ARNT2: variants seen among roughly 807,000 people sequenced by gnomAD.
The protein encoded by ARNT2 is aryl hydrocarbon receptor nuclear translocator 2, also known as ARNT protein 2.
A neutral mutation model predicts 91.7 loss-of-function variants in ARNT2; 36 were observed. The observed-to-expected ratio is 0.39, with a 90% CI of 0.30 to 0.52. The LOEUF is 0.52. Ranked by LOEUF, ARNT2 falls within the 20% of genes least tolerant of loss-of-function variation. The pLI, the probability that ARNT2 is intolerant of heterozygous loss-of-function variation, is 0.72. For synonymous variants in ARNT2, 365 were observed against 347.1 expected, an observed-to-expected ratio of 1.05 and a Z score of -0.57; for missense variants, 775 against 939.3, an observed-to-expected ratio of 0.83 and a Z score of 2.29.
chr15:80,536,264 G>A (rs1261657490), intron 8 of ARNT2, among the ~76,000 whole-genome samples: 1 of 152,214 alleles, frequency 6.6e-6, no homozygotes, highest in Non-Finnish European at 1.5e-5. Flanking sequence ...AGTGCACAGG[G>A]TTTTATAGAC....
At chr15:80,543,536 T>C (rs560708532) in intron 8 of ARNT2, among the ~76,000 whole-genome samples, 129 of 152,342 alleles carry the variant, frequency 8.5e-4, no homozygotes, top group African/African-American at 2.9e-3. Flanking sequence ...TTTCTTCAAA[T>C]GTTTTTCCAT....
chr15:80,578,475 T>C (rs74027856), intron 15 of ARNT2, among the ~76,000 whole-genome samples: 6,497 of 149,630 alleles, frequency 0.043, 394 homozygotes, highest in African/African-American at 0.14. Flanking sequence ...TGCCCTGAGC[T>C]GTGTCTGCAG....
chr15:80,414,463 A>G (rs1412035469), intron 1 of ARNT2, among the ~76,000 whole-genome samples: 1 of 152,242 alleles, frequency 6.6e-6, no homozygotes, highest in Non-Finnish European at 1.5e-5. Context: ...GCCCCCAGAT[A>G]ATAAAGGGCT....
rs980405393 is a variant in ARNT2, at chr15:80,593,795, C to T, written c.*97C>T. 17 of 1,139,796 alleles carry T rather than the reference C, an allele frequency of 1.5e-5. No individual in the cohort carries two copies. The highest frequency in any genetic ancestry group is 1.1e-4 in the South Asian group (8 of 70,858). The allele number at this position is 1,139,796 out of a possible 1,614,324, so 70.6% of individuals were successfully genotyped here. On this transcript the variant is annotated 3_prime_UTR_variant, in exon 19 of 19. Coordinates refer to ENST00000303329, the MANE Select transcript of ARNT2 (RefSeq NM_014862.4). ...CCCACCCTCGCCCTGCTTGCCCTGC[C>T]GCAGGCCCCCCACCAGAAGCCATCT...
intron 15 of ARNT2, among the ~76,000 whole-genome samples, chr15:80,577,717 C>T (rs1474283846): frequency 1.3e-5 from 2 of 152,238 alleles, no homozygotes; most frequent in South Asian, 2.1e-4. Context: ...CAGGTGGGGC[C>T]GGCCACCCAG....
intron 5 of ARNT2, among the ~76,000 whole-genome samples, chr15:80,480,571 C>T (rs752982971): frequency 1.3e-5 from 2 of 152,156 alleles, no homozygotes; most frequent in East Asian, 1.9e-4. Flanking sequence ...AAGACAAGGT[C>T]GATTTGGCCT....
chr15:80,567,497 G>A (rs1470457774), intron 12 of ARNT2, among the ~76,000 whole-genome samples: 1 of 152,212 alleles, frequency 6.6e-6, no homozygotes, highest in Non-Finnish European at 1.5e-5. Context: ...AGAATGCAAT[G>A]GGGGCAGAGA....
Position 80,470,378 on chromosome 15 carries a change from A to T in ARNT2, c.355A>T (p.Thr119Ser). The T allele has an allele frequency of 6.2e-7, 1 of 1,614,208 alleles. No individual in the cohort carries two copies. Among genetic ancestry groups the T allele is most frequent in the Non-Finnish European group, 8.5e-7 (1 of 1,180,034 alleles). ...CTCGCACATGAAGTCCATGAGGGGTACAGGGAACAAGTCCACCGATGGCGC... is the reference window on the plus strand; with the variant it reads ...CTCGCACATGAAGTCCATGAGGGGTTCAGGGAACAAGTCCACCGATGGCGC... ...AVSHMKSMRG[T>S]GNKSTDGAYK... is the part of the protein sequence containing the mutation. The change falls in exon 4 of 19, where the codon ACA becomes TCA. Residue 119 changes from threonine (T) to serine (S), a missense_variant. Thr to Ser is a moderately conservative substitution (Grantham distance 58, BLOSUM62 1). This residue lies in a region of ARNT2 where 83 missense variants were observed against 149.4 expected (regional missense o/e 0.56). Transcript: ENST00000303329.
At chr15:80,445,737 T>C (rs1465301932) in intron 1 of ARNT2, among the ~76,000 whole-genome samples, 4 of 151,950 alleles carry the variant, frequency 2.6e-5, no homozygotes, top group African/African-American at 9.7e-5. Flanking sequence ...GACAGGACTC[T>C]GGGTAGAGGG....
chr15:80,503,194 C>T (rs943440015), intron 5 of ARNT2, among the ~76,000 whole-genome samples: 18 of 152,336 alleles, frequency 1.2e-4, no homozygotes, highest in Admixed American at 1.1e-3. Context: ...TAAGCAAACC[C>T]AGCACCCAGG....
chr15:80,475,257 T>G, intron 5 of ARNT2, 34 bp downstream of exon 5: 2 of 1,608,526 alleles, frequency 1.2e-6, no homozygotes, highest in Non-Finnish European at 1.7e-6. Flanking sequence ...GCTGTTTGAC[T>G]CTAGAAAACA....
intron 1 of ARNT2, among the ~76,000 whole-genome samples, chr15:80,422,976 C>T (rs1024047166): frequency 1.3e-5 from 2 of 152,152 alleles, no homozygotes; most frequent in South Asian, 2.1e-4. Flanking sequence ...AAAAAGAAAA[C>T]GTGTTCCTAA....
In ARNT2 at chr15:80,450,482, G is replaced by A. The variant is rs1391432850; in HGVS notation, c.32-398G>A. ...CTGCAGCAGGGCGTTGCCTCTCAGGGCGTGTGCCCCATCTGGGTTACCAGG... is the reference window on the plus strand; with the variant it reads ...CTGCAGCAGGGCGTTGCCTCTCAGGACGTGTGCCCCATCTGGGTTACCAGG... On this transcript the variant is annotated intron_variant, in intron 1 of 18. Transcript: ENST00000303329. 2.0e-5 allele frequency among the ~76,000 whole-genome samples: 3 copies of A among 152,218 alleles called. No homozygotes were observed. The East Asian group carries it at 5.8e-4, about 29-fold the overall frequency.
chr15:80,501,596 G>A (rs1897193209), intron 5 of ARNT2, among the ~76,000 whole-genome samples: 1 of 152,210 alleles, frequency 6.6e-6, no homozygotes, highest in Non-Finnish European at 1.5e-5. Context: ...ATTCCAGAGT[G>A]GTCTGAATGC....
chr15:80,412,564 T>C (rs1365666916), intron 1 of ARNT2, among the ~76,000 whole-genome samples: 2 of 152,190 alleles, frequency 1.3e-5, no homozygotes, highest in Admixed American at 6.5e-5. Context: ...TGTCATCCCT[T>C]TTTTCCCTTC....
rs117559288 is a variant in ARNT2, at chr15:80,511,553, C to T, written c.726-2358C>T. Reference sequence around the variant, plus strand: ...AAAAAGATGCCCACAGACACCTAGACGGAGAAGATGAGCAGACAGTTGGAC... The same window carrying T: ...AAAAAGATGCCCACAGACACCTAGATGGAGAAGATGAGCAGACAGTTGGAC... On this transcript the variant is annotated intron_variant, in intron 6 of 18. Transcript: ENST00000303329. Among the ~76,000 whole-genome samples, 218 of 151,952 alleles carry T rather than the reference C, an allele frequency of 1.4e-3. 1 individual carries two copies. In the East Asian group the frequency reaches 0.035, roughly 24 times the overall value.
Position 80,429,437 on chromosome 15 carries a change from G to A in ARNT2, c.32-21443G>A, listed in dbSNP as rs1461874028. ...GGTTGGTGAACACATGGAGGCGCTC[G>A]CAAGGTGGGGCGCCTGGAGAGGGCA... On this transcript the variant is annotated intron_variant, in intron 1 of 18. Coordinates refer to ENST00000303329, the MANE Select transcript of ARNT2 (RefSeq NM_014862.4). Among the ~76,000 whole-genome samples, 5 of 152,346 alleles carry A rather than the reference G, an allele frequency of 3.3e-5. No homozygotes were observed. The South Asian group carries it at 6.2e-4, about 19-fold the overall frequency.
Position 80,597,515 on chromosome 15 carries a change from A to G in ARNT2, c.*3817A>G. 1 of 316,468 alleles carries G rather than the reference A, an allele frequency of 3.2e-6. No individual in the cohort carries two copies. Among genetic ancestry groups the G allele is most frequent in the Non-Finnish European group, 6.3e-6 (1 of 158,770 alleles). 19.6% of individuals were successfully genotyped at this position (316,468 alleles called of 1,614,324 possible). A position where few individuals can be genotyped will look rare whatever the true frequency, so the allele number is the denominator to read the frequency against. ...ATCTGGAGTCTGGGGCAACTTAAGG[A>G]GGCACCACACAGTGGTGCAGGCACA... is the stretch of plus-strand genomic sequence containing the variant. On this transcript the variant is annotated 3_prime_UTR_variant, in exon 19 of 19. Coordinates refer to ENST00000303329, the MANE Select transcript of ARNT2 (RefSeq NM_014862.4).
intron 5 of ARNT2, among the ~76,000 whole-genome samples, chr15:80,505,980 A>T (rs1412613585): frequency 4.0e-5 from 5 of 125,188 alleles, no homozygotes; most frequent in African/African-American, 1.3e-4. Context: ...CCCAGGCCGT[A>T]CTGCGGACCG....
Sources: allele counts gnomAD v4.1 joint callset (sites outside exome capture counted in the v4.1 genomes callset), GRCh38; gene constraint gnomAD v4.1.1; regional missense constraint gnomAD v4.1.1; transcripts MANE v1.5; gene names NCBI Gene and HGNC (gene_info 2026-07-23, HGNC 2026-07-21).